Variants in ROBO2 observed in about 807,000 individuals in gnomAD.
ROBO2 encodes the protein roundabout guidance receptor 2, also known as roundabout homolog 2.
In ROBO2, 53 loss-of-function variants were observed where a neutral mutation model predicts 160.8. The observed-to-expected ratio is 0.33, with a 90% confidence interval of 0.26 to 0.41. ROBO2 has a LOEUF of 0.41. Among genes scored for constraint, ROBO2 ranks in the 10% least tolerant of loss-of-function variants. ROBO2 has a pLI of 1.00. For missense variants in ROBO2, 1,577 were observed against 1,722.4 expected (o/e 0.92, Z 1.49); for synonymous variants, 664 against 611.7 (o/e 1.09, Z -1.26).
intron 2 of ROBO2, among the ~76,000 whole-genome samples, chr3:76,220,622 G>C (rs1321157380): frequency 6.6e-6 from 1 of 152,100 alleles, no homozygotes; most frequent in East Asian, 1.9e-4. Flanking sequence ...CTTAGTCTTA[G>C]GTATTTTGGT....
intron 1 of ROBO2, among the ~76,000 whole-genome samples, chr3:77,073,176 G>T (rs2067595359): frequency 6.6e-6 from 1 of 152,158 alleles, no homozygotes. Context: ...CAAGGGAAAA[G>T]GGTTGTAATT....
chr3:76,055,231 C>A (rs1299220136), intron 2 of ROBO2, among the ~76,000 whole-genome samples: 1 of 152,164 alleles, frequency 6.6e-6, no homozygotes, highest in Non-Finnish European at 1.5e-5. Context: ...CGGGGTCCCT[C>A]CCACAACCTG....
chr3:76,662,838 C>T (rs1330428522), intron 2 of ROBO2, among the ~76,000 whole-genome samples: 2 of 152,066 alleles, frequency 1.3e-5, no homozygotes, highest in Admixed American at 6.6e-5. Context: ...AAGGAGTAAA[C>T]TGATATGAGC....
At chr3:76,525,243 TA>T (rs1021645226) in intron 2 of ROBO2, among the ~76,000 whole-genome samples, 10 of 151,922 alleles carry the variant, frequency 6.6e-5, no homozygotes, top group African/African-American at 2.4e-4. Context: ...TTGGAAAGAA[TA>T]AAAAATAATT....
intron 2 of ROBO2, among the ~76,000 whole-genome samples, chr3:76,915,338 C>G (rs1175328459): frequency 6.6e-6 from 1 of 151,804 alleles, no homozygotes; most frequent in African/African-American, 2.4e-5. Context: ...TGACTTTAGC[C>G]TTAGTAGTGT....
intron 2 of ROBO2, among the ~76,000 whole-genome samples, chr3:76,912,430 C>T (rs1425012276): frequency 1.3e-5 from 2 of 152,168 alleles, no homozygotes; most frequent in East Asian, 1.9e-4. Context: ...CAACCCAGCA[C>T]AGATTGTTTA....
intron 2 of ROBO2, among the ~76,000 whole-genome samples, chr3:76,447,106 C>T (rs1446958003): frequency 6.6e-6 from 1 of 152,118 alleles, no homozygotes; most frequent in Non-Finnish European, 1.5e-5. Flanking sequence ...GAACAGGCAG[C>T]CTACAGAATG....
chr3:77,412,116 T>C (rs2076851420), intron 2 of ROBO2, among the ~76,000 whole-genome samples: 1 of 150,388 alleles, frequency 6.6e-6, no homozygotes, highest in Admixed American at 6.7e-5. Flanking sequence ...ACTCGTTAAA[T>C]ACCAGGCGGT....
At chr3:76,079,849 A>G (rs1469214898) in intron 2 of ROBO2, among the ~76,000 whole-genome samples, 2 of 152,168 alleles carry the variant, frequency 1.3e-5, no homozygotes, top group South Asian at 2.1e-4. Context: ...AGAAAAAAAG[A>G]AAGAAGGAAG....
intron 2 of ROBO2, among the ~76,000 whole-genome samples, chr3:76,464,740 G>T (rs2078274117): frequency 6.6e-6 from 1 of 152,078 alleles, no homozygotes; most frequent in African/African-American, 2.4e-5. Flanking sequence ...TTAGTTTCAA[G>T]TTTTCAAGAT....
intron 2 of ROBO2, among the ~76,000 whole-genome samples, chr3:76,396,057 G>A (rs1178143373): frequency 6.6e-6 from 1 of 152,102 alleles, no homozygotes; most frequent in East Asian, 1.9e-4. Context: ...GATGAACATT[G>A]ATGCAAAAAT....
chr3:76,851,674 G>T (rs1264978022), intron 2 of ROBO2, among the ~76,000 whole-genome samples: 1 of 143,196 alleles, frequency 7.0e-6, no homozygotes, highest in Non-Finnish European at 1.5e-5. Context: ...AGCGGAGCTT[G>T]CAGTGAGCCG....
intron 2 of ROBO2, among the ~76,000 whole-genome samples, chr3:77,422,363 A>G (rs1388889320): frequency 1.3e-5 from 2 of 152,144 alleles, no homozygotes; most frequent in South Asian, 2.1e-4. Flanking sequence ...TATAGCTAAT[A>G]TGTACTTTTC....
chr3:76,936,453 T>C (rs2077707235), intron 2 of ROBO2, among the ~76,000 whole-genome samples: 1 of 152,088 alleles, frequency 6.6e-6, no homozygotes, highest in Non-Finnish European at 1.5e-5. Flanking sequence ...AGATTTTGTA[T>C]GCAGCAACTT....
chr3:76,499,889 C>G (rs559834140), intron 2 of ROBO2, among the ~76,000 whole-genome samples: 11 of 151,732 alleles, frequency 7.2e-5, no homozygotes, highest in Admixed American at 7.2e-4. Flanking sequence ...CAAGCTAGCC[C>G]GTGTGTGTGC....
At chr3:76,529,726 G>T (rs1448472702) in intron 2 of ROBO2, among the ~76,000 whole-genome samples, 1 of 152,112 alleles carries the variant, frequency 6.6e-6, no homozygotes, top group Non-Finnish European at 1.5e-5. Flanking sequence ...AGATATCAGT[G>T]GGTTTCTAGA....
intron 2 of ROBO2, among the ~76,000 whole-genome samples, chr3:77,103,315 C>G (rs905741209): frequency 6.6e-6 from 1 of 152,116 alleles, no homozygotes; most frequent in African/African-American, 2.4e-5. Context: ...CAGCACTGTG[C>G]CAGTGCAGAG....
At position 77,272,899 on chromosome 3, in the gene ROBO2, T is replaced by C. The variant is rs192922534; in HGVS notation, c.388+174559T>C. Among the ~76,000 whole-genome samples, 536 of 152,332 alleles carry C rather than the reference T, an allele frequency of 3.5e-3. 2 individuals carry two copies. The highest frequency in any genetic ancestry group is 0.012 in the African/African-American group (519 of 41,578). ...TCTATATATATTTAGATTAATCTTC[T>C]ATTAAGGACTAGATATTCATGTTCA... On this transcript the variant is annotated intron_variant, in intron 2 of 25. Transcript: ENST00000461745.
At position 77,218,023 on chromosome 3, in the gene ROBO2, A is replaced by C. The variant is rs572121378; in HGVS notation, c.388+119683A>C. 6.5e-4 allele frequency among the ~76,000 whole-genome samples: 99 copies of C among 152,330 alleles called. 1 individual carries two copies. The highest frequency in any genetic ancestry group is 3.4e-3 in the Middle Eastern group (1 of 294). The stretch of plus-strand genomic sequence containing the variant: ...ATTATCCATGCCAAAGATAGCTTTA[A>C]ATCTCCAAAAAGAGATTTTATCAAA... On this transcript the variant is annotated intron_variant, in intron 2 of 25. Transcript: ENST00000461745.
Sources: allele counts gnomAD v4.1 joint callset (sites outside exome capture counted in the v4.1 genomes callset), GRCh38; gene constraint gnomAD v4.1.1; transcripts MANE v1.5; gene names NCBI Gene and HGNC (gene_info 2026-07-23, HGNC 2026-07-21).